Variants in DCUN1D4 observed in about 807,000 individuals in gnomAD.
The protein encoded by DCUN1D4 is defective in cullin neddylation 1 domain containing 4.
DCUN1D4 carries 22 observed loss-of-function variants against 47.9 expected under a neutral mutation model. The observed-to-expected ratio is 0.46, with a 90% CI of 0.33 to 0.66. The LOEUF (loss-of-function observed/expected upper bound fraction) is 0.66, where lower values mean the gene tolerates loss of function less well. Among genes scored for constraint, DCUN1D4 ranks in the 30% least tolerant of loss-of-function variants. The probability of loss-of-function intolerance (pLI) is 0.02; values close to 1 mark genes in which losing one functional copy is unlikely to be tolerated. For missense variants in DCUN1D4, 301 were observed against 340.8 expected, an observed-to-expected ratio of 0.88 and a Z score of 0.92; for synonymous variants, 121 against 112.2, an observed-to-expected ratio of 1.08 and a Z score of -0.50.
chr4:51,845,380 G>T (rs552589469), intron 1 of DCUN1D4: 1 of 668,556 alleles, frequency 1.5e-6, no homozygotes, highest in African/African-American at 2.0e-5. Flanking sequence ...GTGAGCAAAG[G>T]TAATATGTGA....
chr4:51,841,298 CAT>C (rs1276687639), upstream of DCUN1D4, among the ~76,000 whole-genome samples: 1 of 151,886 alleles, frequency 6.6e-6, no homozygotes, highest in South Asian at 2.1e-4. Flanking sequence ...TATTAAATGA[CAT>C]ATAATTTATT....
At chr4:51,895,779 A>G (rs761115593) in intron 7 of DCUN1D4, among the ~76,000 whole-genome samples, 1 of 152,140 alleles carries the variant, frequency 6.6e-6, no homozygotes, top group Non-Finnish European at 1.5e-5. Context: ...ATTATCTTAC[A>G]TTGTGTGCAT....
At position 51,866,402 on chromosome 4, in the gene DCUN1D4, A is replaced by G. The variant is rs112864394; in HGVS notation, c.136+2693A>G. Among the ~76,000 whole-genome samples, 207 of 118,508 alleles carry G rather than the reference A, an allele frequency of 1.7e-3. 4 individuals are homozygous for G. The highest frequency in any genetic ancestry group is 9.7e-3 in the African/African-American group (197 of 20,210). 77.7% of individuals were successfully genotyped at this position (118,508 alleles called of 152,430 possible). A position where few individuals can be genotyped will look rare whatever the true frequency, so the allele number is the denominator to read the frequency against. On this transcript the variant is annotated intron_variant, in intron 3 of 10. Coordinates refer to ENST00000334635, the MANE Select transcript of DCUN1D4 (RefSeq NM_001040402.3). ...GGTGATGATGATGATGATGATGATG[A>G]TGATGATGTATTTTTTCCTTAAATA...
In DCUN1D4 at chr4:51,916,370, A is replaced by G. The variant is rs981753041; in HGVS notation, c.*2786A>G. On this transcript the variant is annotated 3_prime_UTR_variant, in exon 11 of 11. Transcript: ENST00000334635. ...AACCTAGATTCTGGTTTCACAATGG[A>G]TTTATTTTCTCTCTCAGTCTCCATT... 10 of 152,526 alleles carry G rather than the reference A, an allele frequency of 6.6e-5. No homozygotes were observed. The highest frequency in any genetic ancestry group is 1.3e-4 in the Non-Finnish European group (9 of 68,004). 9.4% of individuals were successfully genotyped at this position (152,526 alleles called of 1,614,324 possible). A position where few individuals can be genotyped will look rare whatever the true frequency, so the allele number is the denominator to read the frequency against.
chr4:51,876,542 A>C (rs1199170584), intron 4 of DCUN1D4, among the ~76,000 whole-genome samples: 1 of 152,202 alleles, frequency 6.6e-6, no homozygotes, highest in South Asian at 2.1e-4. Context: ...CACGTTGTGC[A>C]CATGTACCCT....
chr4:51,866,443 A>G (rs1725931585), intron 3 of DCUN1D4, among the ~76,000 whole-genome samples: 1 of 151,980 alleles, frequency 6.6e-6, no homozygotes, highest in African/African-American at 2.4e-5. Flanking sequence ...GTACATTTAT[A>G]TTTGCCACTT....
intron 1 of DCUN1D4, among the ~76,000 whole-genome samples, chr4:51,857,885 G>C (rs996065530): frequency 6.6e-6 from 1 of 152,058 alleles, no homozygotes; most frequent in Non-Finnish European, 1.5e-5. Context: ...AATATTTATT[G>C]AGCACCTAAT....
intron 7 of DCUN1D4, among the ~76,000 whole-genome samples, chr4:51,895,618 A>G (rs1031312531): frequency 2.7e-5 from 4 of 150,750 alleles, no homozygotes; most frequent in Non-Finnish European, 5.9e-5. Context: ...ACTGCAATAA[A>G]CTGATGATGG....
At chr4:51,870,779 G>C (rs1027044092) in intron 3 of DCUN1D4, among the ~76,000 whole-genome samples, 2 of 152,212 alleles carry the variant, frequency 1.3e-5, no homozygotes, top group Non-Finnish European at 2.9e-5. Context: ...GGGGTAAACA[G>C]ACTTGAATTG....
At chr4:51,844,440 G>T in intron 1 of DCUN1D4, 6 of 981,000 alleles carry the variant, frequency 6.1e-6, no homozygotes, top group Non-Finnish European at 7.3e-6. Flanking sequence ...ACTAGGAGGC[G>T]GGGCAGGGGT....
chr4:51,872,519 G>A (rs1295546518), intron 3 of DCUN1D4, among the ~76,000 whole-genome samples: 1 of 152,108 alleles, frequency 6.6e-6, no homozygotes, highest in Non-Finnish European at 1.5e-5. Context: ...GTTGACCTCC[G>A]TGCTGCAATT....
rs1312388777 is a variant in DCUN1D4, at chr4:51,914,884, A to G, written c.*1300A>G. 7.0e-6 allele frequency: 1 copy of G among 142,698 alleles called. No homozygotes were observed. The highest frequency in any genetic ancestry group is 1.5e-5 in the Non-Finnish European group (1 of 66,060). The allele number at this position is 142,698 out of a possible 1,614,324, so 8.8% of individuals were successfully genotyped here. On this transcript the variant is annotated 3_prime_UTR_variant, in exon 11 of 11. Coordinates refer to ENST00000334635, the MANE Select transcript of DCUN1D4 (RefSeq NM_001040402.3). Reference sequence around the variant, plus strand: ...TATAGAGATGACATGTTTTCACCCCAACTATCTGGTGCTATTGAATGACTA... The same window carrying G: ...TATAGAGATGACATGTTTTCACCCCGACTATCTGGTGCTATTGAATGACTA...
At chr4:51,864,668 G>T (rs187989567) in intron 3 of DCUN1D4, among the ~76,000 whole-genome samples, 5 of 152,186 alleles carry the variant, frequency 3.3e-5, no homozygotes, top group Admixed American at 3.3e-4. Flanking sequence ...AGCTCCCTCA[G>T]GCCTCTTTTA....
At chr4:51,875,563 T>C (rs547385522) in intron 4 of DCUN1D4, among the ~76,000 whole-genome samples, 2 of 152,336 alleles carry the variant, frequency 1.3e-5, no homozygotes, top group East Asian at 3.9e-4. Context: ...TAGTGATTTT[T>C]ATTAAGTTAA....
chr4:51,894,382 C>T (rs1398270249), intron 7 of DCUN1D4, among the ~76,000 whole-genome samples: 1 of 150,794 alleles, frequency 6.6e-6, no homozygotes, highest in African/African-American at 2.4e-5. Context: ...TACCCTCCCA[C>T]CCCCACCTTC....
intron 1 of DCUN1D4, chr4:51,844,521 C>T (rs1722188752): frequency 2.0e-6 from 1 of 487,880 alleles, no homozygotes; most frequent in Non-Finnish European, 2.7e-6. Flanking sequence ...GGGCTTGGCG[C>T]CGGGGAGGTG....
chr4:51,854,037 A>G (rs548417736), intron 1 of DCUN1D4, among the ~76,000 whole-genome samples: 1 of 152,334 alleles, frequency 6.6e-6, no homozygotes, highest in South Asian at 2.1e-4. Flanking sequence ...ACTTGTAGCC[A>G]TGAAGGACAT....
chr4:51,857,763 T>C (rs2109860865), intron 1 of DCUN1D4, among the ~76,000 whole-genome samples: 1 of 152,324 alleles, frequency 6.6e-6, no homozygotes. Flanking sequence ...TGCCTTCCTG[T>C]TCAGTCTCCT....
At chr4:51,862,977 C>T (rs762131224) in intron 1 of DCUN1D4, among the ~76,000 whole-genome samples, 8 of 152,142 alleles carry the variant, frequency 5.3e-5, no homozygotes, top group Non-Finnish European at 1.0e-4. Flanking sequence ...CACCACTGCA[C>T]TTCAGCCTGG....
Sources: gnomAD v4.1 joint callset for allele counts (sites outside exome capture counted in the v4.1 genomes callset) on GRCh38, gnomAD v4.1.1 for gene constraint, MANE v1.5 for transcripts, NCBI Gene and HGNC (gene_info 2026-07-23, HGNC 2026-07-21) for gene names.